KCNJ15: variants seen among roughly 807,000 people sequenced by gnomAD.
The protein encoded by KCNJ15 is potassium inwardly rectifying channel subfamily J member 15, also known as ATP-sensitive inward rectifier potassium channel 15.
KCNJ15 carries 14 observed loss-of-function variants against 23.0 expected under a neutral mutation model. The observed-to-expected ratio is 0.61, with a 90% CI of 0.40 to 0.95. The LOEUF is 0.95. KCNJ15 is among the 40% of genes least tolerant of loss of function. The pLI is 0.00. For synonymous variants in KCNJ15, 185 were observed against 183.2 expected, an observed-to-expected ratio of 1.01 and a Z score of -0.08; for missense variants, 388 against 461.8, an observed-to-expected ratio of 0.84 and a Z score of 1.46.
At position 38,304,119 on chromosome 21, in the gene KCNJ15, CTTTAAG is replaced by C. The variant is rs1203356411; in HGVS notation, c.*3734_*3739del. ...TTTTTTTAATTTTATTATTATTATA[CTTTAAG>C]TTTTAGGGTACATGTGCACAACGTG... On this transcript the variant is annotated 3_prime_UTR_variant, in exon 3 of 3. Coordinates refer to ENST00000398938, the MANE Select transcript of KCNJ15 (RefSeq NM_170736.3). 6.8e-6 allele frequency: 1 copy of C among 147,424 alleles called. No homozygotes were observed. Among genetic ancestry groups the C allele is most frequent in the African/African-American group, 2.5e-5 (1 of 39,660 alleles). 9.1% of individuals were successfully genotyped at this position (147,424 alleles called of 1,614,324 possible).
In KCNJ15 at chr21:38,305,449, T is replaced by C. The variant is rs1043766475; in HGVS notation, c.*5060T>C. On this transcript the variant is annotated 3_prime_UTR_variant, in exon 3 of 3. Transcript: ENST00000398938. The stretch of plus-strand genomic sequence containing the variant: ...TTGATACTTAATAGCTAATAAAAAT[T>C]ACAAGAAAGGATGGTGGAAGTCAAA... 1.3e-5 allele frequency: 2 copies of C among 152,082 alleles called. No individual in the cohort carries two copies. Among genetic ancestry groups the C allele is most frequent in the African/African-American group, 4.8e-5 (2 of 41,396 alleles). The allele number at this position is 152,082 out of a possible 1,614,324, so 9.4% of individuals were successfully genotyped here. A position where few individuals can be genotyped will look rare whatever the true frequency, so the allele number is the denominator to read the frequency against.
Position 38,306,800 on chromosome 21 carries a change from A to T in KCNJ15, c.*6411A>T, listed in dbSNP as rs1350352758. 6.6e-6 allele frequency: 1 copy of T among 152,232 alleles called. No individual in the cohort carries two copies. Among genetic ancestry groups the T allele is most frequent in the Non-Finnish European group, 1.5e-5 (1 of 68,052 alleles). The allele number at this position is 152,232 out of a possible 1,614,324, so 9.4% of individuals were successfully genotyped here. A position where few individuals can be genotyped will look rare whatever the true frequency, so the allele number is the denominator to read the frequency against. On this transcript the variant is annotated 3_prime_UTR_variant, in exon 3 of 3. Transcript: ENST00000398938. ...TAAGTTACAAAAATAAGGCTTTTGT[A>T]AACAGAATCTCCATTCCAGAAGGAC...
At chr21:38,256,612 A>G (rs1383401649), upstream of KCNJ15, 3 of 152,012 alleles carry the variant, frequency 2.0e-5, no homozygotes, top group Non-Finnish European at 4.4e-5. Context: ...ATTGTTAGAA[A>G]AGGTAATCTG....
chr21:38,255,802 T>C (rs1980170053), upstream of KCNJ15, among the ~76,000 whole-genome samples: 1 of 152,156 alleles, frequency 6.6e-6, no homozygotes, highest in Admixed American at 6.5e-5. Flanking sequence ...AGCCCAGTAC[T>C]CTGGGGAGAG....
intron 1 of KCNJ15, among the ~76,000 whole-genome samples, chr21:38,293,982 C>CCCAAGG (rs1217858321): frequency 6.6e-6 from 1 of 151,920 alleles, no homozygotes; most frequent in East Asian, 1.9e-4. Context: ...AGGAAAATGG[C>CCCAAGG]CCAAGGCCAA....
At position 38,232,682 on chromosome 21, in the gene KCNJ15, C is replaced by G. The variant is rs548670038; in HGVS notation, c.-398-24364C>G. Reference sequence around the variant, plus strand: ...TTTATCTCAAAGGATTTCTGAATTTCCCATATGACTTCTTCTTTGAATCAC... The same window carrying G: ...TTTATCTCAAAGGATTTCTGAATTTGCCATATGACTTCTTCTTTGAATCAC... On this transcript the variant is annotated intron_variant, in intron 1 of 4. Coordinates refer to the KCNJ15 transcript ENST00000547341. 1.3e-4 allele frequency among the ~76,000 whole-genome samples: 19 copies of G among 151,892 alleles called. 1 individual carries two copies. The South Asian group carries it at 3.7e-3, about 30-fold the overall frequency.
In KCNJ15 at chr21:38,282,788, A is replaced by T. The variant is rs536139716; in HGVS notation, c.-116-14138A>T. ...CCACTCAGGATGAACTACTGTGCCC[A>T]GTCTATGGGGAAAGCTAAACTCCAA... On this transcript the variant is annotated intron_variant, in intron 1 of 2. Coordinates refer to ENST00000398938, the MANE Select transcript of KCNJ15 (RefSeq NM_170736.3). Among the ~76,000 whole-genome samples, 10 of 152,158 alleles carry T rather than the reference A, an allele frequency of 6.6e-5. No homozygotes were observed. In the South Asian group the frequency reaches 1.9e-3, roughly 28 times the overall value.
chr21:38,299,793 A>T lies in KCNJ15; in HGVS notation c.532A>T (p.Ile178Phe). Residue 178 changes from isoleucine (I) to phenylalanine (F), a missense_variant, in exon 3 of 3, where the codon ATC (isoleucine) becomes TTC (phenylalanine). Transcript: ENST00000398938. This position sits in a 1 kb window ranked among gnomAD's most constrained non-coding sequence, Gnocchi z 4.5. ...CAGACCCAAAAAGCGGGCTGAGACC[A>T]TCAAGTTCAGCCACTGTGCAGTCAT... Reference protein sequence around the residue: ...IARPKKRAETIKFSHCAVITK... With the variant: ...IARPKKRAETFKFSHCAVITK... 6.2e-7 allele frequency: 1 copy of T among 1,614,132 alleles called. No individual in the cohort carries two copies. Among genetic ancestry groups the T allele is most frequent in the Non-Finnish European group, 8.5e-7 (1 of 1,180,016 alleles).
At chr21:38,265,482 A>T (rs905364004) in intron 1 of KCNJ15, among the ~76,000 whole-genome samples, 2 of 152,254 alleles carry the variant, frequency 1.3e-5, no homozygotes, top group Non-Finnish European at 2.9e-5. Context: ...TATCTGAAGA[A>T]ATGGTCTGAC....
chr21:38,290,779 C>T (rs1479183089), intron 1 of KCNJ15, among the ~76,000 whole-genome samples: 1 of 152,102 alleles, frequency 6.6e-6, no homozygotes, highest in Non-Finnish European at 1.5e-5. Context: ...ATGGATAACT[C>T]ATCTCAACAT....
rs1192140572 is a variant in KCNJ15 at position 38,302,525 on chromosome 21, T to C, written c.*2136T>C. The stretch of plus-strand genomic sequence containing the variant: ...GTTGATAATTTTATGGAAGGTTGCT[T>C]TAGATCTCCATTCCTTAAAAAAATA... On this transcript the variant is annotated 3_prime_UTR_variant, in exon 3 of 3. Coordinates refer to ENST00000398938, the MANE Select transcript of KCNJ15 (RefSeq NM_170736.3). 1.8e-5 allele frequency: 1 copy of C among 57,012 alleles called. No homozygotes were observed. Among genetic ancestry groups the C allele is most frequent in the Non-Finnish European group, 3.2e-5 (1 of 30,968 alleles). 3.5% of individuals were successfully genotyped at this position (57,012 alleles called of 1,614,324 possible).
intron 1 of KCNJ15, among the ~76,000 whole-genome samples, chr21:38,232,266 T>G (rs990797899): frequency 1.3e-4 from 20 of 151,940 alleles, no homozygotes; most frequent in African/African-American, 4.6e-4. Flanking sequence ...TATAATATGT[T>G]TTATTTCTGT....
chr21:38,232,293 T>G (rs1978331697), intron 1 of KCNJ15, among the ~76,000 whole-genome samples: 1 of 151,902 alleles, frequency 6.6e-6, no homozygotes, highest in South Asian at 2.1e-4. Context: ...AGTAATAATA[T>G]TCCCTCTTTA....
At chr21:38,256,431 G>A (rs1195568909), upstream of KCNJ15, among the ~76,000 whole-genome samples, 3 of 147,766 alleles carry the variant, frequency 2.0e-5, no homozygotes, top group Non-Finnish European at 3.0e-5. Context: ...TCAATAAAGG[G>A]GTTGAGCTAA....
intron 1 of KCNJ15, among the ~76,000 whole-genome samples, chr21:38,280,398 G>C (rs1242189457): frequency 6.6e-6 from 1 of 152,150 alleles, no homozygotes; most frequent in Admixed American, 6.5e-5. Context: ...ATTGTATTCA[G>C]GCAATAGTGT....
intron 1 of KCNJ15, among the ~76,000 whole-genome samples, chr21:38,232,037 T>C (rs1310097107): frequency 1.3e-5 from 2 of 151,814 alleles, no homozygotes; most frequent in African/African-American, 2.4e-5. Flanking sequence ...ATCATTTGAA[T>C]AAATAATGAT....
upstream of KCNJ15, among the ~76,000 whole-genome samples, chr21:38,255,913 G>A (rs1980185710): frequency 6.6e-6 from 1 of 152,196 alleles, no homozygotes; most frequent in Admixed American, 6.5e-5. Context: ...TGCCTGGGCA[G>A]GGGACGTGTG....
intron 1 of KCNJ15, among the ~76,000 whole-genome samples, chr21:38,242,906 G>C (rs532848328): frequency 6.6e-6 from 1 of 152,262 alleles, no homozygotes; most frequent in South Asian, 2.1e-4. Context: ...GAAGGGTGCC[G>C]GGCCCACTGT....
At chr21:38,271,036 T>G (rs1378742551) in intron 1 of KCNJ15, among the ~76,000 whole-genome samples, 1 of 152,248 alleles carries the variant, frequency 6.6e-6, no homozygotes, top group Non-Finnish European at 1.5e-5. Flanking sequence ...ATCTGGACAT[T>G]GGGGAGCCCC....
Sources: gnomAD v4.1 joint callset for allele counts (sites outside exome capture counted in the v4.1 genomes callset) on GRCh38, gnomAD v4.1.1 for gene constraint, Gnocchi (gnomAD v3.1) non-coding constraint, MANE v1.5 for transcripts, NCBI Gene and HGNC (gene_info 2026-07-23, HGNC 2026-07-21) for gene names.